TNFAIP8: variants seen among roughly 807,000 people sequenced by gnomAD.
TNFAIP8 encodes the protein tumor necrosis factor alpha-induced protein 8.
Under a neutral mutation model 13.3 loss-of-function variants are expected in TNFAIP8, and 7 were observed. The ratio of observed to expected loss-of-function variants is 0.52; its 90% CI spans 0.30 to 0.99. The LOEUF is 0.99. Ranked by LOEUF, TNFAIP8 falls within the 50% of genes least tolerant of loss-of-function variation. The pLI is 0.07. For synonymous variants in TNFAIP8, 94 were observed against 87.6 expected (o/e 1.07, Z -0.41); for missense variants, 258 against 236.9 (o/e 1.09, Z -0.58).
At chr5:119,303,858 T>C (rs1444910889) in intron 1 of TNFAIP8, among the ~76,000 whole-genome samples, 1 of 152,208 alleles carries the variant, frequency 6.6e-6, no homozygotes, top group African/African-American at 2.4e-5. Flanking sequence ...CCTTGTGCGA[T>C]AGCTCCCCAC....
chr5:119,325,020 G>A lies in TNFAIP8; in HGVS notation c.1+56113G>A, dbSNP rs540583987. Among the ~76,000 whole-genome samples the A allele has an allele frequency of 7.2e-5, 11 of 151,942 alleles. No homozygotes were observed. In the East Asian group the frequency reaches 1.9e-3, roughly 27 times the overall value. On this transcript the variant is annotated intron_variant, in intron 1 of 1. Coordinates refer to the TNFAIP8 transcript ENST00000274456. The stretch of plus-strand genomic sequence containing the variant: ...AGGCTGAGGCAGGAGAATTGCTTGA[G>A]GCCAATGGTTCAAGACCAACTTGGC...
intron 1 of TNFAIP8, among the ~76,000 whole-genome samples, chr5:119,374,055 A>C (rs1457571769): frequency 6.6e-6 from 1 of 152,208 alleles, no homozygotes; most frequent in African/African-American, 2.4e-5. Flanking sequence ...GTTTCCATTC[A>C]CATAGTATAT....
upstream of TNFAIP8, among the ~76,000 whole-genome samples, chr5:119,351,096 C>T (rs1384282809): frequency 6.6e-6 from 1 of 151,722 alleles, no homozygotes; most frequent in Non-Finnish European, 1.5e-5. Flanking sequence ...GATCATAGCT[C>T]ACTGTAGCCT....
intron 1 of TNFAIP8, among the ~76,000 whole-genome samples, chr5:119,315,663 G>A (rs73794122): frequency 0.085 from 12,864 of 152,150 alleles, 1,820 homozygotes; most frequent in African/African-American, 0.3. Context: ...AGAAGACCCC[G>A]AGGTGTAATG....
intron 1 of TNFAIP8, among the ~76,000 whole-genome samples, chr5:119,271,031 C>A (rs1220320688): frequency 1.3e-5 from 2 of 152,138 alleles, no homozygotes; most frequent in Admixed American, 1.3e-4. Flanking sequence ...CTATTTCAGA[C>A]TATATTGCTA....
intron 1 of TNFAIP8, among the ~76,000 whole-genome samples, chr5:119,322,465 C>T (rs1232136331): frequency 2.0e-5 from 3 of 152,124 alleles, no homozygotes; most frequent in Non-Finnish European, 4.4e-5. Flanking sequence ...CCCATTTGGC[C>T]CCCTGCTGTT....
At position 119,399,012 on chromosome 5, in the gene TNFAIP8, G is replaced by C. The variant is rs1363167252; in HGVS notation, c.*5631G>C. The C allele has an allele frequency of 6.6e-6, 1 of 152,096 alleles. No individual in the cohort carries two copies. Among genetic ancestry groups the C allele is most frequent in the Non-Finnish European group, 1.5e-5 (1 of 68,040 alleles). 9.4% of individuals were successfully genotyped at this position (152,096 alleles called of 1,614,324 possible). A position where few individuals can be genotyped will look rare whatever the true frequency, so the allele number is the denominator to read the frequency against. On this transcript the variant is annotated 3_prime_UTR_variant, in exon 2 of 2. Coordinates refer to ENST00000504771, the MANE Select transcript of TNFAIP8 (RefSeq NM_014350.4). Reference sequence around the variant, plus strand: ...AATACTATAAGACATTTAATCTCCTGGAAGAGGACTTGCTGATAATTGGAT... The same window carrying C: ...AATACTATAAGACATTTAATCTCCTCGAAGAGGACTTGCTGATAATTGGAT...
chr5:119,317,561 C>A (rs1225398495), intron 1 of TNFAIP8, among the ~76,000 whole-genome samples: 1 of 149,146 alleles, frequency 6.7e-6, no homozygotes, highest in Admixed American at 6.7e-5. Context: ...CTATATTTAT[C>A]ATCAAATATT....
intron 1 of TNFAIP8, among the ~76,000 whole-genome samples, chr5:119,325,009 G>A (rs1481543974): frequency 6.6e-6 from 1 of 152,026 alleles, no homozygotes; most frequent in East Asian, 1.9e-4. Context: ...TGAGGCAGGA[G>A]AATTGCTTGA....
At chr5:119,314,529 T>G (rs1052190035) in intron 1 of TNFAIP8, among the ~76,000 whole-genome samples, 15 of 152,226 alleles carry the variant, frequency 9.9e-5, no homozygotes, top group African/African-American at 3.6e-4. Flanking sequence ...CCTCTCCATA[T>G]CCACAAACTT....
At chr5:119,383,067 C>T (rs999764420) in intron 1 of TNFAIP8, among the ~76,000 whole-genome samples, 2 of 152,194 alleles carry the variant, frequency 1.3e-5, no homozygotes, top group Non-Finnish European at 2.9e-5. Context: ...CCTTTGTGTA[C>T]ACTGTTTCCC....
intron 1 of TNFAIP8, among the ~76,000 whole-genome samples, chr5:119,323,013 G>C (rs1183981982): frequency 6.6e-6 from 1 of 152,142 alleles, no homozygotes; most frequent in East Asian, 1.9e-4. Context: ...TGCTGCTTCT[G>C]GCCTTACCCC....
At chr5:119,300,911 G>A (rs1749370000) in intron 1 of TNFAIP8, among the ~76,000 whole-genome samples, 1 of 152,222 alleles carries the variant, frequency 6.6e-6, no homozygotes, top group South Asian at 2.1e-4. Flanking sequence ...AGAATTGCAG[G>A]TGCAGATGGG....
intron 1 of TNFAIP8, among the ~76,000 whole-genome samples, chr5:119,303,234 G>T (rs958094339): frequency 6.6e-6 from 1 of 152,176 alleles, no homozygotes; most frequent in Non-Finnish European, 1.5e-5. Context: ...AGGTCATGAA[G>T]AATATGCTTA....
upstream of TNFAIP8, among the ~76,000 whole-genome samples, chr5:119,351,184 G>A (rs142285619): frequency 3.0e-3 from 461 of 152,044 alleles, no homozygotes; most frequent in African/African-American, 0.011. Context: ...CACCATACTC[G>A]GTTAACCTTT....
chr5:119,388,984 T>C (rs6869575), intron 1 of TNFAIP8, among the ~76,000 whole-genome samples: 2,716 of 151,892 alleles, frequency 0.018, 77 homozygotes, highest in African/African-American at 0.061. Context: ...GGCTGATATG[T>C]GAAAAGAGAT....
chr5:119,370,017 ACTT>A (rs1482192133), intron 1 of TNFAIP8, among the ~76,000 whole-genome samples: 8 of 152,126 alleles, frequency 5.3e-5, no homozygotes, highest in Non-Finnish European at 8.8e-5. Context: ...TTGTCTGAAA[ACTT>A]CTGTCACATC....
intron 1 of TNFAIP8, among the ~76,000 whole-genome samples, chr5:119,314,817 G>A (rs912268739): frequency 6.6e-5 from 10 of 152,190 alleles, no homozygotes; most frequent in African/African-American, 2.4e-4. Flanking sequence ...GCTGTCAGGA[G>A]TTAGTAAGAT....
At chr5:119,386,705 G>A (rs924007505) in intron 1 of TNFAIP8, among the ~76,000 whole-genome samples, 4 of 152,168 alleles carry the variant, frequency 2.6e-5, no homozygotes, top group Non-Finnish European at 5.9e-5. Context: ...CACTTGGGGG[G>A]ATGTGCATAT....
Sources: allele counts gnomAD v4.1 joint callset (sites outside exome capture counted in the v4.1 genomes callset), GRCh38; gene constraint gnomAD v4.1.1; transcripts MANE v1.5; gene names NCBI Gene and HGNC (gene_info 2026-07-23, HGNC 2026-07-21).